TRIM14: variants seen among roughly 807,000 people sequenced by gnomAD.
TRIM14 encodes tripartite motif-containing protein 14.
In TRIM14, 28 loss-of-function variants were observed where a neutral mutation model predicts 44.5. That is an observed-to-expected ratio of 0.63 (90% CI 0.47 to 0.86). TRIM14 has a LOEUF of 0.86. Ranked by LOEUF, TRIM14 falls within the 40% of genes least tolerant of loss-of-function variation. TRIM14 has a pLI of 0.00. For missense variants in TRIM14, 607 were observed against 611.1 expected (o/e 0.99, Z 0.07); for synonymous variants, 299 against 269.2 (o/e 1.11, Z -1.08).
downstream of TRIM14, among the ~76,000 whole-genome samples, chr9:98,068,605 G>C (rs554769305): frequency 2.0e-5 from 3 of 151,098 alleles, no homozygotes; most frequent in African/African-American, 7.3e-5. Context: ...CTTGAGGCCA[G>C]GAGTTCAAGA....
At chr9:98,110,696 G>T (rs1374636064) in intron 1 of TRIM14, among the ~76,000 whole-genome samples, 1 of 151,894 alleles carries the variant, frequency 6.6e-6, no homozygotes, top group East Asian at 1.9e-4. Context: ...AGAAGTGTTT[G>T]CTGAATTGAA....
chr9:98,042,806 G>C, the TRIM14 span, among the ~76,000 whole-genome samples: 1 of 151,548 alleles, frequency 6.6e-6, no homozygotes, highest in Non-Finnish European at 1.5e-5. Flanking sequence ...GGAGATGGAG[G>C]TTGCAGTGAG....
rs79826462 is a variant in TRIM14, at chr9:98,095,610, A to G, written c.538-581T>C. On this transcript the variant is annotated intron_variant, in intron 3 of 5. Transcript: ENST00000341469. This position sits in a 1 kb window ranked among gnomAD's most constrained non-coding sequence, Gnocchi z 4.1. ...TTTGCACCTGGACAGCCCCTCTTCA[A>G]TACTTTCCTGTGGTATGTGGCTTCA... Among the ~76,000 whole-genome samples, 3,555 of 152,276 alleles carry G rather than the reference A, an allele frequency of 0.023. 131 individuals carry two copies. Among genetic ancestry groups the G allele is most frequent in the African/African-American group, 0.078 (3,238 of 41,542 alleles).
At chr9:98,073,039 G>C (rs2117864977) in intron 6 of TRIM14, among the ~76,000 whole-genome samples, 1 of 152,246 alleles carries the variant, frequency 6.6e-6, no homozygotes, top group Admixed American at 6.5e-5. Context: ...TAGTCTAAAA[G>C]GAAAGTTCTA....
At chr9:98,082,789 G>A, downstream of TRIM14, 2 of 1,532,054 alleles carry the variant, frequency 1.3e-6, no homozygotes, top group Non-Finnish European at 1.8e-6. Flanking sequence ...GTAAAGTAAA[G>A]TAGTGTGCAC....
chr9:98,073,733 G>A (rs7029283), intron 6 of TRIM14, among the ~76,000 whole-genome samples: 1 of 152,050 alleles, frequency 6.6e-6, no homozygotes, highest in Non-Finnish European at 1.5e-5. Context: ...ACACAGTACA[G>A]AAATGGGGTT....
At chr9:98,072,102 C>T (rs1320311704) in intron 6 of TRIM14, among the ~76,000 whole-genome samples, 2 of 152,146 alleles carry the variant, frequency 1.3e-5, no homozygotes, top group Non-Finnish European at 2.9e-5. Context: ...GAGCTCAGCT[C>T]CTGGTGCTCA....
downstream of TRIM14, among the ~76,000 whole-genome samples, chr9:98,067,084 A>G (rs1829170288): frequency 6.6e-6 from 1 of 152,146 alleles, no homozygotes; most frequent in African/African-American, 2.4e-5. Flanking sequence ...ATATATCAGT[A>G]CTTCATTTCT....
downstream of TRIM14, among the ~76,000 whole-genome samples, chr9:98,079,485 C>T (rs1036227898): frequency 8.5e-5 from 13 of 152,090 alleles, no homozygotes; most frequent in Middle Eastern, 6.8e-3. Context: ...AAAAAGTTAG[C>T]CTTTTTGAAA....
At chr9:98,075,368 G>A (rs1829536892) in intron 6 of TRIM14, 1 of 150,274 alleles carries the variant, frequency 6.7e-6, no homozygotes, top group South Asian at 2.1e-4. Flanking sequence ...AAAGGTGAAG[G>A]AAGGGAGGAA....
At chr9:98,066,993 A>G (rs991881579), downstream of TRIM14, among the ~76,000 whole-genome samples, 2 of 152,222 alleles carry the variant, frequency 1.3e-5, no homozygotes, top group East Asian at 1.9e-4. Context: ...TGGATATTGC[A>G]TATAAATAGA....
downstream of TRIM14, chr9:98,082,940 ATCC>A (rs1476385659): frequency 1.2e-6 from 2 of 1,614,226 alleles, no homozygotes; most frequent in Non-Finnish European, 8.5e-7. Flanking sequence ...CCCAAAGGCT[ATCC>A]TCCTGAAGAC....
chr9:98,102,901 A>G (rs558735589), intron 2 of TRIM14, among the ~76,000 whole-genome samples: 3 of 152,340 alleles, frequency 2.0e-5, no homozygotes, highest in Non-Finnish European at 4.4e-5. Flanking sequence ...AAAACAATGC[A>G]GTAGGCTGGG....
intron 2 of TRIM14, among the ~76,000 whole-genome samples, chr9:98,106,515 T>C (rs1049189431): frequency 6.6e-6 from 1 of 152,214 alleles, no homozygotes; most frequent in African/African-American, 2.4e-5. Flanking sequence ...TGGCAATATC[T>C]TTCTAATTTC....
Position 98,119,067 on chromosome 9 carries a change from C to A in TRIM14, c.122G>T (p.Arg41Leu), listed in dbSNP as rs1587983868. 3 of 1,580,118 alleles carry A rather than the reference C, an allele frequency of 1.9e-6. No homozygotes were observed. The highest frequency in any genetic ancestry group is 2.6e-6 in the Non-Finnish European group (3 of 1,173,294). The part of the protein sequence containing the change: ...VAELFCRRCR[R>L]CVCALCPVLG... ...CACCGGGCAAAGCGCGCACACGCAG[C>A]GGCGGCAGCGGCGACAGAAGAGCTC... Residue 41 changes from arginine to leucine, a missense_variant, in exon 1 of 6, where the codon CGC becomes CTC. Transcript: ENST00000341469.
chr9:98,045,574 C>A, the TRIM14 span, among the ~76,000 whole-genome samples: 1 of 152,160 alleles, frequency 6.6e-6, no homozygotes, highest in African/African-American at 2.4e-5. Context: ...CTTTTTCTGT[C>A]GTAAACCTTC....
chr9:98,040,313 T>C, the TRIM14 span, among the ~76,000 whole-genome samples: 1 of 152,132 alleles, frequency 6.6e-6, no homozygotes, highest in Non-Finnish European at 1.5e-5. Context: ...CAACTCCCCT[T>C]TGCCACCAAA....
chr9:98,087,357 G>A lies in TRIM14; in HGVS notation c.*113C>T, dbSNP rs1825815426. On this transcript the variant is annotated 3_prime_UTR_variant, in exon 6 of 6. Coordinates refer to ENST00000341469, the MANE Select transcript of TRIM14 (RefSeq NM_014788.4). ...GATTGGTCGGGGAAAGCTGGGGCAG[G>A]GAGAGGGCCCTAAGAAGCAGGCAGT... is the stretch of plus-strand genomic sequence containing the variant. 6.7e-7 allele frequency: 1 copy of A among 1,491,736 alleles called. No individual in the cohort carries two copies. The allele number at this position is 1,491,736 out of a possible 1,614,324, so 92.4% of individuals were successfully genotyped here.
the TRIM14 span, among the ~76,000 whole-genome samples, chr9:98,045,961 G>A: frequency 6.6e-6 from 1 of 152,154 alleles, no homozygotes. Flanking sequence ...GACTGGGTCC[G>A]GGATTGAATT....
Sources: gnomAD v4.1 joint callset for allele counts (sites outside exome capture counted in the v4.1 genomes callset) on GRCh38, gnomAD v4.1.1 for gene constraint, Gnocchi (gnomAD v3.1) non-coding constraint, MANE v1.5 for transcripts, NCBI Gene and HGNC (gene_info 2026-07-23, HGNC 2026-07-21) for gene names.